Variants in MACROD2 observed in about 807,000 individuals in gnomAD.
MACROD2 encodes the protein mono-ADP ribosylhydrolase 2.
In MACROD2, 36 loss-of-function variants were observed where a neutral mutation model predicts 70.4. The ratio of observed to expected loss-of-function variants is 0.51; its 90% confidence interval spans 0.39 to 0.68. The LOEUF (loss-of-function observed/expected upper bound fraction) is 0.68, where lower values mean the gene tolerates loss of function less well. Among genes scored for constraint, MACROD2 ranks in the 30% least tolerant of loss-of-function variants. The probability of loss-of-function intolerance (pLI) is 0.00; values close to 1 mark genes in which losing one functional copy is unlikely to be tolerated. For missense variants in MACROD2, 496 were observed against 538.4 expected (o/e 0.92, Z 0.78); for synonymous variants, 172 against 178.8 (o/e 0.96, Z 0.30).
intron 4 of MACROD2, among the ~76,000 whole-genome samples, chr20:14,618,970 G>A (rs1983642521): frequency 1.3e-5 from 2 of 152,010 alleles, no homozygotes. Context: ...AATACTTCTT[G>A]TATAAAATAT....
intron 5 of MACROD2, among the ~76,000 whole-genome samples, chr20:15,045,719 G>GTT (rs71335981): frequency 0.15 from 10,872 of 73,022 alleles, 753 homozygotes; most frequent in Middle Eastern, 0.21. Context: ...CCAGACCAGG[G>GTT]TTTTTTTTTT....
At chr20:14,855,346 A>C (rs577376366) in intron 5 of MACROD2, among the ~76,000 whole-genome samples, 3 of 152,290 alleles carry the variant, frequency 2.0e-5, no homozygotes, top group Non-Finnish European at 2.9e-5. Context: ...TAATTAAAAA[A>C]ATATGACCAT....
chr20:14,620,257 C>T (rs1012730112), intron 4 of MACROD2, among the ~76,000 whole-genome samples: 2 of 151,946 alleles, frequency 1.3e-5, no homozygotes, highest in Admixed American at 6.6e-5. Flanking sequence ...TTCTTTCCTC[C>T]TGTCCAAGTG....
chr20:15,753,104 GTAT>G lies in MACROD2; in HGVS notation c.646-109637_646-109635del, dbSNP rs547999859. ...TTTTTCTGGGACGACAGCATATATG[GTAT>G]TATATTAATTTTTTAAATATATTTT... On this transcript the variant is annotated intron_variant, in intron 8 of 17. Transcript: ENST00000684519. Among the ~76,000 whole-genome samples, 342 of 151,922 alleles carry G rather than the reference GTAT, an allele frequency of 2.3e-3. 2 individuals carry two copies. The highest frequency in any genetic ancestry group is 7.8e-3 in the African/African-American group (323 of 41,364).
chr20:15,231,455 G>A (rs915078268), intron 6 of MACROD2, among the ~76,000 whole-genome samples: 1 of 152,008 alleles, frequency 6.6e-6, no homozygotes, highest in African/African-American at 2.4e-5. Context: ...GCAAAAGACT[G>A]AAGTGCTTGG....
chr20:14,675,846 G>C (rs1276581560), intron 4 of MACROD2, among the ~76,000 whole-genome samples: 1 of 152,022 alleles, frequency 6.6e-6, no homozygotes, highest in Admixed American at 6.6e-5. Context: ...ATAAAGGGAT[G>C]GAGGAAGATT....
intron 10 of MACROD2, among the ~76,000 whole-genome samples, chr20:15,892,575 T>G (rs1163395888): frequency 6.6e-6 from 1 of 152,240 alleles, no homozygotes; most frequent in African/African-American, 2.4e-5. Context: ...CAATTGTCAA[T>G]TAATCTATGA....
chr20:14,998,144 A>G (rs1237078148), intron 5 of MACROD2, among the ~76,000 whole-genome samples: 2 of 152,220 alleles, frequency 1.3e-5, no homozygotes, highest in African/African-American at 4.8e-5. Flanking sequence ...AAGGTCGGGT[A>G]CAAATAAGCC....
At chr20:14,659,190 A>G (rs1986113603) in intron 4 of MACROD2, among the ~76,000 whole-genome samples, 1 of 152,170 alleles carries the variant, frequency 6.6e-6, no homozygotes, top group African/African-American at 2.4e-5. Flanking sequence ...ACATATCAAG[A>G]GAAGTTATCT....
chr20:15,771,527 T>C (rs1488168256), intron 8 of MACROD2, among the ~76,000 whole-genome samples: 1 of 151,860 alleles, frequency 6.6e-6, no homozygotes, highest in South Asian at 2.1e-4. Flanking sequence ...TCACAGTCTT[T>C]TGTCTAAATT....
chr20:15,446,787 T>A (rs1401885861), intron 7 of MACROD2, among the ~76,000 whole-genome samples: 1 of 152,180 alleles, frequency 6.6e-6, no homozygotes, highest in Non-Finnish European at 1.5e-5. Context: ...TTTTCAACTT[T>A]GCAAATATTT....
intron 5 of MACROD2, among the ~76,000 whole-genome samples, chr20:14,786,200 A>AAGAGAGAGAGAGAGAGAGAGAGAGAG (rs1219384490): frequency 1.5e-5 from 1 of 66,204 alleles, no homozygotes; most frequent in Admixed American, 1.4e-4. Context: ...CACTCAGAGA[A>AAGAGAGAGAGAGAGAGAGAGAGAGAG]AGATAGAGAG....
At chr20:15,429,997 A>G (rs2046344699) in intron 6 of MACROD2, among the ~76,000 whole-genome samples, 1 of 151,990 alleles carries the variant, frequency 6.6e-6, no homozygotes, top group Non-Finnish European at 1.5e-5. Context: ...TTTTTTAGCT[A>G]CCACTAAAAT....
intron 5 of MACROD2, among the ~76,000 whole-genome samples, chr20:14,781,154 A>C (rs1374229799): frequency 6.6e-6 from 1 of 152,078 alleles, no homozygotes; most frequent in African/African-American, 2.4e-5. Context: ...TATTTTTCTC[A>C]GCTGCAACTT....
chr20:14,953,527 G>A (rs1380433819), intron 5 of MACROD2, among the ~76,000 whole-genome samples: 1 of 152,066 alleles, frequency 6.6e-6, no homozygotes, highest in Non-Finnish European at 1.5e-5. Context: ...GGATGGTCTC[G>A]ATCTCCTGAC....
At chr20:14,732,018 G>A (rs2071604617) in intron 5 of MACROD2, among the ~76,000 whole-genome samples, 1 of 151,836 alleles carries the variant, frequency 6.6e-6, no homozygotes, top group Non-Finnish European at 1.5e-5. Context: ...TTCTAATATG[G>A]TAAATATCTA....
At chr20:15,777,504 TC>T (rs2051744193) in intron 8 of MACROD2, among the ~76,000 whole-genome samples, 10 of 64,410 alleles carry the variant, frequency 1.6e-4, no homozygotes, top group Non-Finnish European at 2.2e-4. Flanking sequence ...TTTCCTTCCT[TC>T]CTTCTTTCCT....
At chr20:16,033,439 A>G (rs1467856068) in intron 15 of MACROD2, among the ~76,000 whole-genome samples, 1 of 152,128 alleles carries the variant, frequency 6.6e-6, no homozygotes, top group Non-Finnish European at 1.5e-5. Flanking sequence ...TGGCTGTATA[A>G]TAGAATAATG....
At chr20:14,706,074 G>A (rs865822696) in intron 5 of MACROD2, among the ~76,000 whole-genome samples, 1 of 152,158 alleles carries the variant, frequency 6.6e-6, no homozygotes, top group African/African-American at 2.4e-5. Flanking sequence ...CCAGCGCTTT[G>A]AGAGGCCAAG....
Sources: gnomAD v4.1 joint callset for allele counts (sites outside exome capture counted in the v4.1 genomes callset) on GRCh38, gnomAD v4.1.1 for gene constraint, MANE v1.5 for transcripts, NCBI Gene and HGNC (gene_info 2026-07-23, HGNC 2026-07-21) for gene names.